Variants in CHD9 observed in about 807,000 individuals in gnomAD.
CHD9 encodes the protein ATP-dependent chromatin remodeler CHD9.
CHD9 carries 77 observed loss-of-function variants against 316.1 expected under a neutral mutation model. The ratio of observed to expected loss-of-function variants is 0.24; its 90% CI spans 0.20 to 0.29. The LOEUF (loss-of-function observed/expected upper bound fraction) is 0.29. CHD9 is among the 10% of genes least tolerant of loss of function. CHD9 has a pLI of 1.00. For synonymous variants in CHD9, 1,129 were observed against 1,158.3 expected (o/e 0.97, Z 0.51); for missense variants, 2,763 against 3,438.1 (o/e 0.80, Z 4.91).
At position 53,157,069 on chromosome 16, in the gene CHD9, A is replaced by G. The variant is rs762238500; in HGVS notation, c.980A>G (p.Asn327Ser). The G allele has an allele frequency of 1.4e-5, 22 of 1,612,938 alleles. No individual in the cohort carries two copies. In the East Asian group the frequency reaches 4.7e-4, roughly 34 times the overall value. ...IKQESTQHILNPNTSLNSNNF... is the reference protein window; with the variant it reads ...IKQESTQHILSPNTSLNSNNF... ...CAAGAATCTACTCAGCATATCCTAA[A>G]CCCCAATACATCATTGAATTCAAAT... The change falls in exon 2 of 39, where the codon AAC becomes AGC. Residue 327 changes from asparagine to serine, a missense_variant. By Grantham distance (46) the Asn-to-Ser change is conservative. Transcript: ENST00000447540.
intron 2 of CHD9, among the ~76,000 whole-genome samples, chr16:53,177,812 G>T (rs1048679510): frequency 1.3e-5 from 2 of 152,172 alleles, no homozygotes; most frequent in Non-Finnish European, 2.9e-5. Flanking sequence ...TTTGAATTTA[G>T]CATTCTTGGA....
Position 53,306,295 on chromosome 16 carries a change from C to A in CHD9, c.6678C>A (p.Thr2226=), listed in dbSNP as rs567475878. Residue 2226 remains threonine (T), a synonymous_variant, in exon 32 of 39, where the codon ACC becomes ACA. Coordinates refer to ENST00000447540, the MANE Select transcript of CHD9 (RefSeq NM_001308319.2). The part of the protein sequence containing the change: ...DEESVASLST[T]QDETQDSFQM... The stretch of plus-strand genomic sequence containing the variant: ...AAAGCGTCGCGTCACTGAGCACTAC[C>A]CAGGATGAGACTCAGGATAGTTTTC... 2.4e-4 allele frequency: 383 copies of A among 1,609,848 alleles called. 11 individuals carry two copies. In the South Asian group the frequency reaches 4.1e-3, roughly 17 times the overall value.
At chr16:53,243,809 G>C (rs1435065205) in intron 13 of CHD9, among the ~76,000 whole-genome samples, 1 of 152,184 alleles carries the variant, frequency 6.6e-6, no homozygotes, top group African/African-American at 2.4e-5. Flanking sequence ...TCTTTCAAAT[G>C]AAAGCATTTT....
At chr16:53,240,405 G>A (rs2152945549) in intron 12 of CHD9, among the ~76,000 whole-genome samples, 1 of 152,054 alleles carries the variant, frequency 6.6e-6, no homozygotes, top group South Asian at 2.1e-4. Context: ...CAAAAACCTG[G>A]AAGATTCTTG....
chr16:53,286,741 A>G (rs546126419), intron 26 of CHD9, among the ~76,000 whole-genome samples: 4 of 152,256 alleles, frequency 2.6e-5, no homozygotes, highest in African/African-American at 9.6e-5. Context: ...CCCTGCAGAT[A>G]CCAAAATCCA....
intron 1 of CHD9, among the ~76,000 whole-genome samples, chr16:53,137,767 A>G (rs1481113680): frequency 1.3e-5 from 2 of 152,250 alleles, no homozygotes; most frequent in African/African-American, 4.8e-5. Flanking sequence ...GGATTATAGT[A>G]GATTCTAACA....
intron 1 of CHD9, among the ~76,000 whole-genome samples, chr16:53,114,065 C>A (rs1253296049): frequency 6.6e-6 from 1 of 150,444 alleles, no homozygotes; most frequent in Admixed American, 6.6e-5. Context: ...AGAAAAAAAT[C>A]AATAACTACT....
intron 30 of CHD9, among the ~76,000 whole-genome samples, chr16:53,300,847 T>A (rs1027009541): frequency 1.3e-5 from 2 of 152,218 alleles, no homozygotes; most frequent in African/African-American, 4.8e-5. Flanking sequence ...GGCTCACGCC[T>A]GTAATCCCCA....
intron 10 of CHD9, 50 bp downstream of exon 10, chr16:53,231,834 T>A: frequency 7.0e-7 from 1 of 1,424,028 alleles, no homozygotes; most frequent in Non-Finnish European, 9.6e-7. Flanking sequence ...CTTGTTTATG[T>A]AAGTTATGAT....
chr16:53,289,992 G>A (rs768840378), intron 27 of CHD9, among the ~76,000 whole-genome samples: 1 of 152,168 alleles, frequency 6.6e-6, no homozygotes, highest in Non-Finnish European at 1.5e-5. Flanking sequence ...TGCTCAAATT[G>A]ACCAGGCACA....
chr16:53,245,892 C>A lies in CHD9; in HGVS notation c.3454+42C>A. 1 of 1,340,606 alleles carries A rather than the reference C, an allele frequency of 7.5e-7. No individual in the cohort carries two copies. The allele number at this position is 1,340,606 out of a possible 1,614,324, so 83.0% of individuals were successfully genotyped here. On this transcript the variant is annotated intron_variant, in intron 15 of 38. Coordinates refer to ENST00000447540, the MANE Select transcript of CHD9 (RefSeq NM_001308319.2). This position sits in a 1 kb window ranked among gnomAD's most constrained non-coding sequence, Gnocchi z 4.1. The stretch of plus-strand genomic sequence containing the variant: ...ACAACAAATATGTTTTTTCTTGCAA[C>A]AAATACTAATGAATAAATAAACAGA...
intron 1 of CHD9, among the ~76,000 whole-genome samples, chr16:53,092,966 A>G (rs1276918912): frequency 6.6e-6 from 1 of 152,124 alleles, no homozygotes; most frequent in African/African-American, 2.4e-5. Context: ...CTTTGTAAAA[A>G]TGGGGTCTCA....
intron 1 of CHD9, among the ~76,000 whole-genome samples, chr16:53,102,358 A>G (rs1295631306): frequency 6.6e-6 from 1 of 151,990 alleles, no homozygotes; most frequent in African/African-American, 2.4e-5. Flanking sequence ...ACAGTGTCTA[A>G]TAATAATTAT....
In CHD9 at chr16:53,263,823, G is replaced by A. The variant is rs572397217; in HGVS notation, c.4320+726G>A. Among the ~76,000 whole-genome samples the A allele has an allele frequency of 2.3e-4, 35 of 152,146 alleles. No homozygotes were observed. In the South Asian group the frequency reaches 4.8e-3, roughly 21 times the overall value. On this transcript the variant is annotated intron_variant, in intron 20 of 38. Coordinates refer to ENST00000447540, the MANE Select transcript of CHD9 (RefSeq NM_001308319.2). ...ATATATGTAATTCTGTGTGAAACAG[G>A]TAAACGTGAAAAGGTAATTATAAAA...
intron 1 of CHD9, among the ~76,000 whole-genome samples, chr16:53,136,946 G>A (rs1318818793): frequency 6.6e-6 from 1 of 151,806 alleles, no homozygotes; most frequent in African/African-American, 2.4e-5. Context: ...TGTTCCTCGA[G>A]TAACATTATT....
chr16:53,180,164 G>A (rs577111682), intron 2 of CHD9, among the ~76,000 whole-genome samples: 1 of 150,658 alleles, frequency 6.6e-6, no homozygotes, highest in African/African-American at 2.4e-5. Flanking sequence ...CCACCACCAC[G>A]CCCAGCTAAT....
In CHD9 at chr16:53,155,811, G is replaced by A. The variant is rs924039980; in HGVS notation, c.-164-115G>A. ...TTATATAAATCGAGTCATATAATAT[G>A]TGGTATTTTGTGACTGACCTCTTTC... is the stretch of plus-strand genomic sequence containing the variant. On this transcript the variant is annotated intron_variant, in intron 1 of 38. Transcript: ENST00000447540. 29 of 361,176 alleles carry A rather than the reference G, an allele frequency of 8.0e-5. No homozygotes were observed. The Admixed American group carries it at 1.3e-3, about 16-fold the overall frequency. The allele number at this position is 361,176 out of a possible 1,614,324, so 22.4% of individuals were successfully genotyped here.
intron 34 of CHD9, among the ~76,000 whole-genome samples, chr16:53,312,282 C>T (rs1207699999): frequency 1.3e-5 from 2 of 152,086 alleles, no homozygotes; most frequent in African/African-American, 4.8e-5. Flanking sequence ...GTAGACAAGA[C>T]CTGCACATTA....
chr16:53,323,933 AT>A, intron 38 of CHD9, 86 bp from the exon 39 acceptor site: 2 of 1,135,968 alleles, frequency 1.8e-6, no homozygotes, highest in Non-Finnish European at 2.5e-6. Context: ...ATAATTACCT[AT>A]TTTTCATGGT....
Sources: gnomAD v4.1 joint callset for allele counts (sites outside exome capture counted in the v4.1 genomes callset) on GRCh38, gnomAD v4.1.1 for gene constraint, Gnocchi (gnomAD v3.1) non-coding constraint, MANE v1.5 for transcripts, NCBI Gene and HGNC (gene_info 2026-07-23, HGNC 2026-07-21) for gene names.